The following PCDHGA6 variants were observed in gnomAD, a reference collection of about 807,000 sequenced individuals.
PCDHGA6 encodes protocadherin gamma-A6.
PCDHGA6 carries 41 observed loss-of-function variants against 60.6 expected under a neutral mutation model. The observed-to-expected ratio is 0.68, with a 90% CI of 0.53 to 0.88. The LOEUF (loss-of-function observed/expected upper bound fraction) is 0.88. Ranked by LOEUF, PCDHGA6 falls within the 40% of genes least tolerant of loss-of-function variation. The probability of loss-of-function intolerance (pLI) is 0.00; values close to 1 mark genes in which losing one functional copy is unlikely to be tolerated. For missense variants in PCDHGA6, 1,312 were observed against 1,203.0 expected (o/e 1.09, Z -1.34); for synonymous variants, 594 against 524.4 (o/e 1.13, Z -1.81).
At position 141,431,574 on chromosome 5, in the gene PCDHGA6, G is replaced by T. The variant is rs1476143491; in HGVS notation, c.2424+55067G>T. The T allele has an allele frequency of 6.2e-7, 1 of 1,614,196 alleles. No homozygotes were observed. Among genetic ancestry groups the T allele is most frequent in the Admixed American group, 1.7e-5 (1 of 60,034 alleles). On this transcript the variant is annotated intron_variant, in intron 1 of 3. Transcript: ENST00000517434. This position sits in a 1 kb window ranked among gnomAD's most constrained non-coding sequence, Gnocchi z 4.8. The stretch of plus-strand genomic sequence containing the variant: ...GTCAACGCTACCGACCCTGACGAAG[G>T]AGTCAATGCGGAAGTGAGGTATTCC...
Position 141,375,029 on chromosome 5 carries a change from G to T in PCDHGA6, c.946G>T (p.Glu316Ter), listed in dbSNP as rs1265395615. 1 of 1,614,032 alleles carries T rather than the reference G, an allele frequency of 6.2e-7. No individual in the cohort carries two copies. Among genetic ancestry groups the T allele is most frequent in the Admixed American group, 1.7e-5 (1 of 60,030 alleles). ...AGACTATGAGGACTCGAGTTTTTAT[G>T]AGCTGGGTGTTGAAGCCCGGGATGG... is the stretch of plus-strand genomic sequence containing the variant. Reference protein sequence around the residue: ...NLDYEDSSFYELGVEARDGPG... With the variant: ...NLDYEDSSFY The change falls in exon 1 of 4, where the codon GAG (glutamate) becomes TAG (stop). Residue 316 changes from glutamate to a stop codon, truncating the protein, a stop_gained. Transcript: ENST00000517434. LOFTEE classifies it high-confidence loss of function.
intron 1 of PCDHGA6, among the ~76,000 whole-genome samples, chr5:141,453,288 ATTATTTAT>A (rs577328880): frequency 6.6e-6 from 1 of 151,342 alleles, no homozygotes; most frequent in Non-Finnish European, 1.5e-5. Context: ...TAATTTTTTA[ATTATTTAT>A]TTATTTATTT....
chr5:141,428,029 C>G, intron 1 of PCDHGA6: 2 of 1,607,160 alleles, frequency 1.2e-6, no homozygotes, highest in Non-Finnish European at 1.7e-6. Flanking sequence ...GCCGCAGAGT[C>G]CGGCTACCTG....
At chr5:141,475,059 G>T (rs2099358742) in intron 1 of PCDHGA6, among the ~76,000 whole-genome samples, 1 of 152,180 alleles carries the variant, frequency 6.6e-6, no homozygotes, top group South Asian at 2.1e-4. Flanking sequence ...AAAGATTTGT[G>T]GAGCTTTGCT....
intron 1 of PCDHGA6, chr5:141,391,586 AAT>A (rs1412247634): frequency 6.6e-6 from 1 of 152,234 alleles, no homozygotes; most frequent in Non-Finnish European, 1.5e-5. Flanking sequence ...TTCACAGGAA[AAT>A]ATAAAGTTTT....
At chr5:141,437,459 C>T (rs749625924) in intron 1 of PCDHGA6, among the ~76,000 whole-genome samples, 1 of 152,140 alleles carries the variant, frequency 6.6e-6, no homozygotes, top group Admixed American at 6.5e-5. Context: ...GGAGACTATA[C>T]TATACTTTTA....
chr5:141,394,238 T>G, intron 1 of PCDHGA6: 1 of 1,613,934 alleles, frequency 6.2e-7, no homozygotes, highest in Non-Finnish European at 8.5e-7. Context: ...TTTCCTTGAC[T>G]GCACACGACC....
At chr5:141,414,148 G>C in intron 1 of PCDHGA6, 7 of 1,598,900 alleles carry the variant, frequency 4.4e-6, no homozygotes, top group Non-Finnish European at 6.0e-6. Flanking sequence ...AGAAATACAA[G>C]CAGAAGATGG....
At chr5:141,508,792 C>T (rs1198342551) in intron 3 of PCDHGA6, among the ~76,000 whole-genome samples, 3 of 152,130 alleles carry the variant, frequency 2.0e-5, no homozygotes, top group Admixed American at 6.5e-5. Flanking sequence ...CTAAATCACT[C>T]TGGAATCCTG....
chr5:141,395,542 TTGTGTGTGTGTGTGTGTGTG>T (rs55729045), intron 1 of PCDHGA6: 12 of 172,620 alleles, frequency 7.0e-5, no homozygotes, highest in Admixed American at 1.6e-4. Flanking sequence ...TTGCTATTGT[TTGTGTGTGTGTGTGTGTGTG>T]TGTGTGTGTG....
In PCDHGA6 at chr5:141,511,360, T is replaced by C; in HGVS notation, c.*187T>C. The C allele has an allele frequency of 7.5e-7, 1 of 1,333,050 alleles. No individual in the cohort carries two copies. Among genetic ancestry groups the C allele is most frequent in the Non-Finnish European group, 1.0e-6 (1 of 994,882 alleles). 82.6% of individuals were successfully genotyped at this position (1,333,050 alleles called of 1,614,324 possible). On this transcript the variant is annotated 3_prime_UTR_variant, in exon 4 of 4. Transcript: ENST00000517434. ...ACCTACCCCTTCCCCCCCAGGGGGT[T>C]GAATATGCAAAAGCAGTTCCGCTGG...
rs1018272442 is a variant in PCDHGA6 at position 141,419,770 on chromosome 5, G to T, written c.2424+43263G>T. The stretch of plus-strand genomic sequence containing the variant: ...TGCGTGCTTTGGGTGACAAGGACTC[G>T]GTCCGCCAGCGCCTGCTAGTCGCTG... On this transcript the variant is annotated intron_variant, in intron 1 of 3. Transcript: ENST00000517434. 6.2e-6 allele frequency: 10 copies of T among 1,613,888 alleles called. No homozygotes were observed. The African/African-American group carries it at 1.2e-4, about 19-fold the overall frequency.
intron 1 of PCDHGA6, chr5:141,407,996 T>G: frequency 1.1e-6 from 1 of 872,310 alleles, no homozygotes; most frequent in Middle Eastern, 3.6e-4. Flanking sequence ...GCCTCTGGCC[T>G]GGGATTCCCT....
chr5:141,398,826 C>G (rs755219133), intron 1 of PCDHGA6: 1 of 1,613,824 alleles, frequency 6.2e-7, no homozygotes, highest in South Asian at 1.1e-5. Flanking sequence ...TCCAGGTAAC[C>G]GACGCCAATG....
rs751047365 is a variant in PCDHGA6 at position 141,419,570 on chromosome 5, G to C, written c.2424+43063G>C. On this transcript the variant is annotated intron_variant, in intron 1 of 3. Transcript: ENST00000517434. ...GCTGTACCCTGCGCTGGGTCCCGAC[G>C]GCTCCGCGCTCTTCGACACAGTGCC... 5.6e-6 allele frequency: 9 copies of C among 1,611,766 alleles called. No individual in the cohort carries two copies. The South Asian group carries it at 8.8e-5, about 16-fold the overall frequency.
At chr5:141,409,986 A>G (rs995773112) in intron 1 of PCDHGA6, 27 of 1,612,796 alleles carry the variant, frequency 1.7e-5, no homozygotes, top group Non-Finnish European at 2.2e-5. Context: ...GTAGCGGTGG[A>G]CGCCGACTCG....
intron 1 of PCDHGA6, chr5:141,410,854 T>C: frequency 2.6e-6 from 1 of 387,418 alleles, no homozygotes; most frequent in Non-Finnish European, 4.2e-6. Flanking sequence ...TTTGTCTTTT[T>C]TTTTTTTTTT....
intron 1 of PCDHGA6, among the ~76,000 whole-genome samples, chr5:141,438,119 A>G (rs2097930168): frequency 6.6e-6 from 1 of 152,220 alleles, no homozygotes; most frequent in Non-Finnish European, 1.5e-5. Flanking sequence ...ATGCATTCCT[A>G]AAATATTAAT....
chr5:141,403,049 T>C (rs368917303), intron 1 of PCDHGA6: 2 of 1,613,938 alleles, frequency 1.2e-6, no homozygotes, highest in Non-Finnish European at 1.7e-6. Flanking sequence ...TCAGATTCGC[T>C]ACTCAGTGCC....
Sources: allele counts gnomAD v4.1 joint callset (sites outside exome capture counted in the v4.1 genomes callset), GRCh38; gene constraint gnomAD v4.1.1; non-coding constraint Gnocchi (gnomAD v3.1); transcripts MANE v1.5; gene names NCBI Gene and HGNC (gene_info 2026-07-23, HGNC 2026-07-21).